ABTB2: variants seen among roughly 807,000 people sequenced by gnomAD.
ABTB2 encodes the protein ankyrin repeat and BTB domain containing 2, also known as ankyrin repeat and BTB/POZ domain-containing protein 2.
In ABTB2, 56 loss-of-function variants were observed where a neutral mutation model predicts 104.1. The ratio of observed to expected loss-of-function variants is 0.54; its 90% confidence interval spans 0.43 to 0.67. The LOEUF (loss-of-function observed/expected upper bound fraction) is 0.67, where lower values mean the gene tolerates loss of function less well. Ranked by LOEUF, ABTB2 falls within the 30% of genes least tolerant of loss-of-function variation. ABTB2 has a pLI of 0.00. For missense variants in ABTB2, 1,279 were observed against 1,407.7 expected, an observed-to-expected ratio of 0.91 and a Z score of 1.46; for synonymous variants, 606 against 608.2, an observed-to-expected ratio of 1.00 and a Z score of 0.05.
chr11:34,183,103 CT>C (rs888063553), intron 3 of ABTB2, among the ~76,000 whole-genome samples: 7 of 151,546 alleles, frequency 4.6e-5, no homozygotes, highest in Non-Finnish European at 8.8e-5. Flanking sequence ...AACTGGATGA[CT>C]TTTTTTTTCC....
intron 1 of ABTB2, among the ~76,000 whole-genome samples, chr11:34,304,443 T>C (rs1391277959): frequency 6.6e-6 from 1 of 152,202 alleles, no homozygotes; most frequent in African/African-American, 2.4e-5. Flanking sequence ...GTGCCAATAC[T>C]GTCACAAGTG....
chr11:34,255,652 G>A (rs1015851718), intron 1 of ABTB2, among the ~76,000 whole-genome samples: 1 of 152,066 alleles, frequency 6.6e-6, no homozygotes, highest in Non-Finnish European at 1.5e-5. Context: ...CAAGTAGCTG[G>A]GACTACAGGT....
chr11:34,327,934 C>G (rs144582122), intron 1 of ABTB2, among the ~76,000 whole-genome samples: 1 of 152,176 alleles, frequency 6.6e-6, no homozygotes, highest in South Asian at 2.1e-4. Flanking sequence ...CCCAACTCCT[C>G]GCTGGCTGTT....
At chr11:34,279,346 C>T (rs1854422600) in intron 1 of ABTB2, among the ~76,000 whole-genome samples, 2 of 152,234 alleles carry the variant, frequency 1.3e-5, no homozygotes. Flanking sequence ...AGTCATCCTT[C>T]TGCCTCAGCC....
intron 1 of ABTB2, among the ~76,000 whole-genome samples, chr11:34,308,887 A>AAAAAAAAC (rs1854814336): frequency 6.7e-6 from 1 of 149,302 alleles, no homozygotes; most frequent in Admixed American, 6.6e-5. Flanking sequence ...AAAAAAAAAA[A>AAAAAAAAC]GAAAAGAGAA....
rs117094824 is a variant in ABTB2 at position 34,209,161 on chromosome 11, C to G, written c.884-4471G>C. ...AGGAGTTTGAGACCTGCCTGGCCAC[C>G]GTGGTGAAACACTATCTCTACTAAA... On this transcript the variant is annotated intron_variant, in intron 1 of 16. Transcript: ENST00000435224. Among the ~76,000 whole-genome samples, 1,166 of 152,142 alleles carry G rather than the reference C, an allele frequency of 7.7e-3. 12 individuals carry two copies. The highest frequency in any genetic ancestry group is 0.013 in the Non-Finnish European group (874 of 68,016).
chr11:34,336,642 CA>C (rs547285748), intron 1 of ABTB2, among the ~76,000 whole-genome samples: 2 of 147,190 alleles, frequency 1.4e-5, no homozygotes, highest in East Asian at 2.0e-4. Context: ...GGCCCTGTCT[CA>C]AAAAAAAACA....
intron 1 of ABTB2, among the ~76,000 whole-genome samples, chr11:34,347,885 G>GA (rs1010931666): frequency 2.7e-5 from 4 of 148,994 alleles, no homozygotes; most frequent in Admixed American, 6.7e-5. Context: ...ACTTAACACC[G>GA]AAAAAAAAAA....
rs1462039180 is a variant in ABTB2 at position 34,162,585 on chromosome 11, T to C, written c.2209A>G (p.Arg737Gly). Residue 737 changes from arginine to glycine, a missense_variant, in exon 10 of 17, where the codon AGG (arginine) becomes GGG (glycine). Arg to Gly is a moderately radical substitution (Grantham distance 125). Coordinates refer to ENST00000435224, the MANE Select transcript of ABTB2 (RefSeq NM_145804.3). ...GCCCGTGAGGCCTCACCCAGTGCCC[T>C]CAGCTCCATGGTGATGTCCACGTAG... is the stretch of plus-strand genomic sequence containing the variant. ...HGYVDITMEL[R>G]ALGVPWKLHI... 6.2e-7 allele frequency: 1 copy of C among 1,613,482 alleles called. No homozygotes were observed. The highest frequency in any genetic ancestry group is 1.3e-5 in the African/African-American group (1 of 75,050).
chr11:34,160,202 G>T (rs746465398), intron 12 of ABTB2, 46 bp downstream of exon 12: 3 of 1,499,046 alleles, frequency 2.0e-6, no homozygotes, highest in Admixed American at 1.7e-5. Context: ...AAAGGGAAGA[G>T]GGGGAGGACG....
At chr11:34,277,461 T>C (rs1167708184) in intron 1 of ABTB2, among the ~76,000 whole-genome samples, 1 of 151,588 alleles carries the variant, frequency 6.6e-6, no homozygotes, top group African/African-American at 2.4e-5. Flanking sequence ...TTTCATTTCA[T>C]TTCCTAAATG....
intron 1 of ABTB2, among the ~76,000 whole-genome samples, chr11:34,241,590 ATTG>A (rs1853916312): frequency 6.6e-6 from 1 of 152,170 alleles, no homozygotes; most frequent in Non-Finnish European, 1.5e-5. Flanking sequence ...CTGATAATTT[ATTG>A]TTATTATTAA....
At chr11:34,232,640 G>T (rs1365334232) in intron 1 of ABTB2, among the ~76,000 whole-genome samples, 1 of 151,972 alleles carries the variant, frequency 6.6e-6, no homozygotes, top group Non-Finnish European at 1.5e-5. Flanking sequence ...ATATCCATTT[G>T]TTTGCAAAGT....
chr11:34,186,225 C>T (rs1388428718), intron 3 of ABTB2, among the ~76,000 whole-genome samples: 2 of 152,240 alleles, frequency 1.3e-5, no homozygotes, highest in Non-Finnish European at 2.9e-5. Flanking sequence ...CCTTAAGAGC[C>T]CTTTCCCCTC....
chr11:34,198,773 G>T (rs1305116773), intron 2 of ABTB2, among the ~76,000 whole-genome samples: 1 of 152,188 alleles, frequency 6.6e-6, no homozygotes, highest in Non-Finnish European at 1.5e-5. Context: ...ATTGTGTGAG[G>T]CCACAATGCT....
chr11:34,308,621 G>A (rs2133103496), intron 1 of ABTB2, among the ~76,000 whole-genome samples: 1 of 152,188 alleles, frequency 6.6e-6, no homozygotes, highest in African/African-American at 2.4e-5. Context: ...TGTAATCCCA[G>A]TACTTTGAGA....
chr11:34,274,156 C>A (rs1854354315), intron 1 of ABTB2, among the ~76,000 whole-genome samples: 1 of 53,492 alleles, frequency 1.9e-5, no homozygotes, highest in African/African-American at 1.1e-4. Context: ...GAGACTCCGT[C>A]TCAAAAAAAA....
intron 1 of ABTB2, among the ~76,000 whole-genome samples, chr11:34,292,306 G>T (rs1242337477): frequency 1.3e-5 from 2 of 152,290 alleles, no homozygotes; most frequent in African/African-American, 2.4e-5. Flanking sequence ...AGCTGCAGAA[G>T]CTACATGCCT....
At chr11:34,279,956 A>G (rs1302627118) in intron 1 of ABTB2, among the ~76,000 whole-genome samples, 2 of 151,874 alleles carry the variant, frequency 1.3e-5, no homozygotes, top group African/African-American at 4.8e-5. Context: ...ACCTGGCCAG[A>G]GACAGGGTTT....
Sources: gnomAD v4.1 joint callset for allele counts (sites outside exome capture counted in the v4.1 genomes callset) on GRCh38, gnomAD v4.1.1 for gene constraint, MANE v1.5 for transcripts, NCBI Gene and HGNC (gene_info 2026-07-23, HGNC 2026-07-21) for gene names.